ZNF280C: variants seen among roughly 807,000 people sequenced by gnomAD.
ZNF280C encodes the protein suppressor of hairy wing homolog 3.
A neutral mutation model predicts 53.6 loss-of-function variants in ZNF280C; 14 were observed. The ratio of observed to expected loss-of-function variants is 0.26; its 90% CI spans 0.17 to 0.41. The LOEUF is 0.41. ZNF280C is among the 10% of genes least tolerant of loss of function. The pLI is 1.00. For missense variants in ZNF280C, 416 were observed against 547.1 expected (o/e 0.76, Z 2.39); for synonymous variants, 203 against 181.1 (o/e 1.12, Z -0.97).
intron 2 of ZNF280C, among the ~76,000 whole-genome samples, chrX:130,259,271 T>C (rs1312728128): frequency 8.9e-6 from 1 of 112,312 alleles, no homozygotes; most frequent in Non-Finnish European, 1.9e-5. Flanking sequence ...GGATATGTAG[T>C]AGGTACTTAA....
At chrX:130,236,759 T>C in intron 6 of ZNF280C, 120 bp from the exon 7 acceptor site, 2 of 415,842 alleles carry the variant, frequency 4.8e-6, no homozygotes, top group South Asian at 6.1e-5. Context: ...AGTTTGGAAC[T>C]AAGTTAAAGG....
chrX:130,244,264 G>A (rs941254084), intron 3 of ZNF280C, among the ~76,000 whole-genome samples: 2 of 111,576 alleles, frequency 1.8e-5, no homozygotes, highest in African/African-American at 3.3e-5. Context: ...CTATTACTAC[G>A]CTAGAAGTCA....
chrX:130,212,195 C>A (rs1405664658), intron 15 of ZNF280C, among the ~76,000 whole-genome samples: 1 of 111,606 alleles, frequency 9.0e-6, no homozygotes, highest in African/African-American at 3.3e-5. Flanking sequence ...GCAAATGATG[C>A]CCTGAAACAG....
At chrX:130,260,366 T>A in intron 2 of ZNF280C, 53 bp downstream of exon 2, 1 of 1,053,827 alleles carries the variant, frequency 9.5e-7, no homozygotes. Context: ...TTTTGAAAGG[T>A]TTACAGTACA....
intron 2 of ZNF280C, among the ~76,000 whole-genome samples, chrX:130,259,098 C>G (rs2032603315): frequency 8.9e-6 from 1 of 112,208 alleles, no homozygotes; most frequent in Admixed American, 9.5e-5. Flanking sequence ...TCTTACTGCA[C>G]TGACAGTCTA....
In ZNF280C at chrX:130,203,345, T is replaced by C. The variant is rs2031934257; in HGVS notation, c.*1632A>G. 1 of 110,670 alleles carries C rather than the reference T, an allele frequency of 9.0e-6. No homozygotes were observed. Among genetic ancestry groups the C allele is most frequent in the Non-Finnish European group, 1.9e-5 (1 of 52,820 alleles). The allele number at this position is 110,670 out of a possible 1,213,427, so 9.1% of individuals were successfully genotyped here. A position where few individuals can be genotyped will look rare whatever the true frequency, so the allele number is the denominator to read the frequency against. ...ATAAAACCTAGCTACCAAAATAAAATTAAAAAAAAAGTTTAAAAATGTGAG... is the reference window on the plus strand; with the variant it reads ...ATAAAACCTAGCTACCAAAATAAAACTAAAAAAAAAGTTTAAAAATGTGAG... On this transcript the variant is annotated 3_prime_UTR_variant, in exon 19 of 19. Transcript: ENST00000370978.
intron 16 of ZNF280C, among the ~76,000 whole-genome samples, chrX:130,207,779 A>G (rs2031992314): frequency 8.9e-6 from 1 of 111,918 alleles, no homozygotes; most frequent in South Asian, 3.7e-4. Flanking sequence ...TTCCTTTCTG[A>G]ACTTTTATTC....
At chrX:130,256,642 C>T (rs947340099) in intron 2 of ZNF280C, among the ~76,000 whole-genome samples, 10 of 110,705 alleles carry the variant, frequency 9.0e-5, no homozygotes, top group Non-Finnish European at 1.7e-4. Flanking sequence ...ACCTTAATCC[C>T]AGCACTTTGG....
chrX:130,264,266 C>G (rs1489162206), intron 1 of ZNF280C, among the ~76,000 whole-genome samples: 3 of 110,955 alleles, frequency 2.7e-5, no homozygotes, highest in Non-Finnish European at 5.7e-5. Flanking sequence ...TTATCCACAA[C>G]AGCTTTTCAG....
chrX:130,260,684 A>G (rs2032621889), intron 1 of ZNF280C, among the ~76,000 whole-genome samples: 1 of 112,041 alleles, frequency 8.9e-6, no homozygotes, highest in East Asian at 2.8e-4. Context: ...AATTAAATGC[A>G]CATAAATTTA....
chrX:130,267,332 T>C (rs1218050438), intron 1 of ZNF280C, among the ~76,000 whole-genome samples: 1 of 111,737 alleles, frequency 8.9e-6, no homozygotes, highest in Non-Finnish European at 1.9e-5. Flanking sequence ...AATTGAATAA[T>C]ACTTCTTAAA....
intron 1 of ZNF280C, among the ~76,000 whole-genome samples, chrX:130,266,837 T>G (rs1386660117): frequency 8.9e-6 from 1 of 111,760 alleles, no homozygotes; most frequent in Non-Finnish European, 1.9e-5. Context: ...GCATGGAGGC[T>G]CACTCCTGTA....
At chrX:130,239,794 T>C in intron 5 of ZNF280C, 101 bp from the exon 6 acceptor site, 1 of 459,887 alleles carries the variant, frequency 2.2e-6, no homozygotes, top group Admixed American at 3.5e-5. Context: ...ATTACTAATA[T>C]GGTATAAAAC....
At chrX:130,234,995 T>C (rs1236028250) in intron 8 of ZNF280C, among the ~76,000 whole-genome samples, 1 of 111,124 alleles carries the variant, frequency 9.0e-6, no homozygotes, top group Non-Finnish European at 1.9e-5. Flanking sequence ...AAGGTTTTCA[T>C]AGGGTAATGT....
At chrX:130,234,506 T>C (rs919903580) in intron 8 of ZNF280C, among the ~76,000 whole-genome samples, 1 of 112,528 alleles carries the variant, frequency 8.9e-6, no homozygotes, top group Non-Finnish European at 1.9e-5. Flanking sequence ...GTAAAGACGT[T>C]TGTATTTGCA....
At chrX:130,264,929 A>C (rs1822932433) in intron 1 of ZNF280C, among the ~76,000 whole-genome samples, 1 of 111,945 alleles carries the variant, frequency 8.9e-6, no homozygotes, top group Non-Finnish European at 1.9e-5. Flanking sequence ...AAACTGGATT[A>C]TATCTTGGTT....
At chrX:130,262,126 A>G (rs186078395) in intron 1 of ZNF280C, among the ~76,000 whole-genome samples, 4 of 112,367 alleles carry the variant, frequency 3.6e-5, no homozygotes, top group Non-Finnish European at 3.8e-5. Flanking sequence ...TGCAGCCACC[A>G]AAGAGTCTCA....
chrX:130,262,543 T>C (rs750725904), intron 1 of ZNF280C, among the ~76,000 whole-genome samples: 2 of 112,182 alleles, frequency 1.8e-5, no homozygotes, highest in South Asian at 7.4e-4. Context: ...AGGAATTGTA[T>C]GGGGGATTAA....
At chrX:130,217,360 G>A (rs2032115745) in intron 13 of ZNF280C, among the ~76,000 whole-genome samples, 1 of 112,195 alleles carries the variant, frequency 8.9e-6, no homozygotes, top group Non-Finnish European at 1.9e-5. Context: ...ATGGCATATT[G>A]TATGACTCAA....
Sources: gnomAD v4.1 joint callset for allele counts (sites outside exome capture counted in the v4.1 genomes callset) on GRCh38, gnomAD v4.1.1 for gene constraint, MANE v1.5 for transcripts, NCBI Gene and HGNC (gene_info 2026-07-23, HGNC 2026-07-21) for gene names.